Variants in CFAP58 observed in about 807,000 individuals in gnomAD.
The protein encoded by CFAP58 is cilia- and flagella-associated protein 58.
In CFAP58, 88 loss-of-function variants were observed where a neutral mutation model predicts 119.5. The ratio of observed to expected loss-of-function variants is 0.74; its 90% CI spans 0.62 to 0.88. The LOEUF is 0.88. Among genes scored for constraint, CFAP58 ranks in the 40% least tolerant of loss-of-function variants. CFAP58 has a pLI of 0.00. For missense variants in CFAP58, 990 were observed against 1,021.2 expected (o/e 0.97, Z 0.42); for synonymous variants, 365 against 366.3 (o/e 1.00, Z 0.04).
chr10:104,434,785 T>A (rs947883184), intron 15 of CFAP58, among the ~76,000 whole-genome samples: 2 of 152,198 alleles, frequency 1.3e-5, no homozygotes, highest in Non-Finnish European at 2.9e-5. Flanking sequence ...CAAGAATTGC[T>A]CTTATCACAA....
rs1023951179 is a variant in CFAP58 at position 104,417,148 on chromosome 10, G to A, written c.2256+10355G>A. On this transcript the variant is annotated intron_variant, in intron 15 of 17. Transcript: ENST00000369704. The stretch of plus-strand genomic sequence containing the variant: ...CATGCTCTAGAAGTTGGTTTCTTTC[G>A]TGGTAGATCTTCATGCTTCAGAGCA... Among the ~76,000 whole-genome samples the A allele has an allele frequency of 2.6e-5, 4 of 152,336 alleles. No individual in the cohort carries two copies. In the East Asian group the frequency reaches 5.8e-4, roughly 22 times the overall value.
chr10:104,396,270 G>T (rs947078101), intron 11 of CFAP58, among the ~76,000 whole-genome samples: 6 of 151,776 alleles, frequency 4.0e-5, no homozygotes, highest in South Asian at 2.1e-4. Context: ...AATTCTCTGT[G>T]TCTAGAGCTC....
chr10:104,371,549 T>A (rs138927690), intron 7 of CFAP58, among the ~76,000 whole-genome samples: 1 of 152,294 alleles, frequency 6.6e-6, no homozygotes, highest in African/African-American at 2.4e-5. Flanking sequence ...ATAACCGACC[T>A]GTGAAGGGAA....
intron 15 of CFAP58, among the ~76,000 whole-genome samples, chr10:104,434,126 A>G (rs2012893752): frequency 6.6e-6 from 1 of 152,198 alleles, no homozygotes; most frequent in Non-Finnish European, 1.5e-5. Flanking sequence ...TCTGCTGTGA[A>G]ATGGAGTTGA....
chr10:104,353,697 C>T (rs763566721), upstream of CFAP58: 17 of 558,514 alleles, frequency 3.0e-5, no homozygotes, highest in Non-Finnish European at 4.8e-5. Flanking sequence ...GCCGCAGAAG[C>T]TCCTCCCCTT....
Position 104,364,898 on chromosome 10 carries a change from TG to T in CFAP58, c.597+11del, listed in dbSNP as rs1341481817. The T allele has an allele frequency of 1.2e-6, 2 of 1,609,508 alleles. No individual in the cohort carries two copies. The highest frequency in any genetic ancestry group is 2.7e-5 in the African/African-American group (2 of 74,520). ...AACATGCCATCAGTCAGGTCTGCCA[TG>T]GAGGGCAAGAAGAAGGAATATTTCC... On this transcript the variant is annotated intron_variant, in intron 4 of 17. Coordinates refer to ENST00000369704, the MANE Select transcript of CFAP58 (RefSeq NM_001008723.2).
At position 104,362,151 on chromosome 10, in the gene CFAP58, G is replaced by C. The variant is rs762549750; in HGVS notation, c.420G>C (p.Leu140=). The change falls in exon 3 of 18, where the codon CTG becomes CTC. Residue 140 remains leucine, a synonymous_variant. Coordinates refer to ENST00000369704, the MANE Select transcript of CFAP58 (RefSeq NM_001008723.2). The part of the protein sequence containing the change: ...LTKLVEQGSG[L]SMDQHSNIRD... Reference sequence around the variant, plus strand: ...AACTAGTGGAGCAGGGGTCTGGACTGTCAATGGACCAGCATAGCAAGTAGG... The same window carrying C: ...AACTAGTGGAGCAGGGGTCTGGACTCTCAATGGACCAGCATAGCAAGTAGG... 4 of 1,613,204 alleles carry C rather than the reference G, an allele frequency of 2.5e-6. No homozygotes were observed. The highest frequency in any genetic ancestry group is 2.2e-5 in the East Asian group (1 of 44,856).
chr10:104,406,437 A>G (rs1042523960), intron 14 of CFAP58, among the ~76,000 whole-genome samples: 3 of 152,242 alleles, frequency 2.0e-5, no homozygotes, highest in South Asian at 4.1e-4. Context: ...GGTGGAATAA[A>G]CATATTTACT....
chr10:104,415,303 G>T (rs748995733), intron 15 of CFAP58, among the ~76,000 whole-genome samples: 1 of 152,140 alleles, frequency 6.6e-6, no homozygotes, highest in South Asian at 2.1e-4. Context: ...AGTGGGTGGA[G>T]GGGGAGGGAG....
chr10:104,450,613 G>A (rs2013178553), intron 17 of CFAP58, among the ~76,000 whole-genome samples: 1 of 152,092 alleles, frequency 6.6e-6, no homozygotes, highest in Admixed American at 6.6e-5. Context: ...GCTTAGTAAA[G>A]CTGTTCTTTC....
intron 6 of CFAP58, 102 bp downstream of exon 6, chr10:104,368,662 T>C (rs540552617): frequency 8.1e-6 from 10 of 1,231,894 alleles, no homozygotes; most frequent in South Asian, 4.1e-5. Flanking sequence ...TTGGCTCTAC[T>C]GAGTACATTG....
At chr10:104,432,214 A>G (rs1444874912) in intron 15 of CFAP58, among the ~76,000 whole-genome samples, 1 of 152,254 alleles carries the variant, frequency 6.6e-6, no homozygotes, top group Non-Finnish European at 1.5e-5. Context: ...AAAAATAGGA[A>G]TAACATTTGT....
At chr10:104,445,352 A>C (rs1242950601) in intron 15 of CFAP58, among the ~76,000 whole-genome samples, 5 of 151,978 alleles carry the variant, frequency 3.3e-5, no homozygotes, top group Non-Finnish European at 7.4e-5. Flanking sequence ...ACAACAACAA[A>C]AAACAAACCA....
intron 9 of CFAP58, among the ~76,000 whole-genome samples, chr10:104,391,575 G>T (rs550836050): frequency 2.6e-5 from 4 of 152,310 alleles, no homozygotes; most frequent in Admixed American, 6.5e-5. Flanking sequence ...CATTGCTACT[G>T]TGTGCATGGC....
At chr10:104,405,195 A>G (rs1026610553) in intron 14 of CFAP58, among the ~76,000 whole-genome samples, 21 of 152,308 alleles carry the variant, frequency 1.4e-4, no homozygotes, top group East Asian at 3.9e-4. Context: ...GTCCCAATAG[A>G]TGGATATCAG....
chr10:104,363,518 A>C (rs1435109381), intron 3 of CFAP58, among the ~76,000 whole-genome samples: 1 of 152,204 alleles, frequency 6.6e-6, no homozygotes, highest in Non-Finnish European at 1.5e-5. Context: ...CTTGTTAAGG[A>C]AGTCAAGCAT....
At chr10:104,384,200 T>C (rs1323569242) in intron 9 of CFAP58, among the ~76,000 whole-genome samples, 2 of 152,234 alleles carry the variant, frequency 1.3e-5, no homozygotes, top group Non-Finnish European at 2.9e-5. Context: ...TTGTAGAGTT[T>C]GTCTCCAGTT....
chr10:104,434,990 G>A lies in CFAP58; in HGVS notation c.2257-12708G>A, dbSNP rs182183581. On this transcript the variant is annotated intron_variant, in intron 15 of 17. Coordinates refer to ENST00000369704, the MANE Select transcript of CFAP58 (RefSeq NM_001008723.2). ...TACTGATTTATAGACTTATTATAAG[G>A]ATCAGATATAATTTATGAAAAGTGA... is the stretch of plus-strand genomic sequence containing the variant. Among the ~76,000 whole-genome samples, 95 of 152,280 alleles carry A rather than the reference G, an allele frequency of 6.2e-4. 2 individuals are homozygous for A. Among genetic ancestry groups the A allele is most frequent in the Admixed American group, 2.7e-3 (41 of 15,298 alleles).
chr10:104,367,360 C>T (rs1186206447), intron 5 of CFAP58, among the ~76,000 whole-genome samples: 4 of 152,028 alleles, frequency 2.6e-5, no homozygotes, highest in Non-Finnish European at 5.9e-5. Context: ...ATATGTTTTT[C>T]CTCAGGAAGC....
Sources: allele counts gnomAD v4.1 joint callset (sites outside exome capture counted in the v4.1 genomes callset), GRCh38; gene constraint gnomAD v4.1.1; transcripts MANE v1.5; gene names NCBI Gene and HGNC (gene_info 2026-07-23, HGNC 2026-07-21).